The following DOCK7 variants were observed in gnomAD, a reference collection of about 807,000 sequenced individuals.
DOCK7 encodes the protein dedicator of cytokinesis 7, also known as dedicator of cytokinesis protein 7.
Under a neutral mutation model 271.0 loss-of-function variants are expected in DOCK7, and 138 were observed. That is an observed-to-expected ratio of 0.51 (90% CI 0.44 to 0.59). DOCK7 has a LOEUF of 0.59. DOCK7 is among the 20% of genes least tolerant of loss of function. DOCK7 has a pLI of 0.00. For synonymous variants in DOCK7, 823 were observed against 876.1 expected, an observed-to-expected ratio of 0.94 and a Z score of 1.07; for missense variants, 2,066 against 2,592.4, an observed-to-expected ratio of 0.80 and a Z score of 4.41.
At chr1:62,459,207 C>A (rs1220202419) in intron 48 of DOCK7, 1 of 149,022 alleles carries the variant, frequency 6.7e-6, no homozygotes, top group East Asian at 1.9e-4. Flanking sequence ...AAGTTAAATA[C>A]AGCAGAAGTT....
intron 4 of DOCK7, 122 bp from the exon 5 acceptor site, chr1:62,648,666 C>G: frequency 1.9e-6 from 1 of 519,452 alleles, no homozygotes; most frequent in Non-Finnish European, 3.0e-6. Context: ...TAATAAGAAT[C>G]TATTCTAGCA....
chr1:62,668,421 G>A (rs1168131), intron 1 of DOCK7, among the ~76,000 whole-genome samples: 149,178 of 152,346 alleles, frequency 0.98, 73,123 homozygotes, highest in Middle Eastern at 1. Flanking sequence ...CCTGATTTGA[G>A]CAAACCAGCT....
chr1:62,483,174 A>ATTTTTTTTTTTTTTTTTTTTTTTTTT (rs57648164), intron 43 of DOCK7: 3 of 70,172 alleles, frequency 4.3e-5, no homozygotes, highest in Admixed American at 1.8e-4. Flanking sequence ...TGCCCAGCTA[A>ATTTTTTTTTTTTTTTTTTTTTTTTTT]TTTTTTTTTT....
intron 25 of DOCK7, 95 bp downstream of exon 25, chr1:62,542,513 G>A (rs1320427192): frequency 2.4e-6 from 3 of 1,233,728 alleles, no homozygotes; most frequent in African/African-American, 1.5e-5. Context: ...GTTAAGATGT[G>A]CAACAGAAAA....
In DOCK7 at chr1:62,561,684, T is replaced by C; in HGVS notation, c.2132A>G (p.Lys711Arg). 1 of 1,577,574 alleles carries C rather than the reference T, an allele frequency of 6.3e-7. No homozygotes were observed. Among genetic ancestry groups the C allele is most frequent in the African/African-American group, 1.4e-5 (1 of 72,922 alleles). ...LSPEVPLPGM[K>R]WVDNHKGVFN... ...AACACCTTTGTGATTATCTACCCATTTCATGCCAGGTAGAGGAACCTGTAA... is the reference window on the plus strand; with the variant it reads ...AACACCTTTGTGATTATCTACCCATCTCATGCCAGGTAGAGGAACCTGTAA... Residue 711 changes from lysine to arginine, a missense_variant, in exon 19 of 50, where the codon AAA (lysine) becomes AGA (arginine). By Grantham distance (26) the Lys-to-Arg change is conservative. Transcript: ENST00000635253.
chr1:62,642,642 T>C (rs749846424), intron 7 of DOCK7, among the ~76,000 whole-genome samples: 7 of 152,318 alleles, frequency 4.6e-5, no homozygotes, highest in South Asian at 2.1e-4. Context: ...AATTTATACA[T>C]TGTGTTATTG....
rs546283973 is a variant in DOCK7, at chr1:62,615,777, G to A, written c.1682+2929C>T. On this transcript the variant is annotated intron_variant, in intron 14 of 49. Coordinates refer to ENST00000635253, the MANE Select transcript of DOCK7 (RefSeq NM_001367561.1). The stretch of plus-strand genomic sequence containing the variant: ...TATTTTTACTAATAATGTCTGGAAT[G>A]AGTATTAACTCTGTAATTAATAGAA... Among the ~76,000 whole-genome samples, 3 of 151,740 alleles carry A rather than the reference G, an allele frequency of 2.0e-5. No homozygotes were observed. The South Asian group carries it at 6.2e-4, about 32-fold the overall frequency.
chr1:62,579,561 C>G (rs796312091), intron 16 of DOCK7, among the ~76,000 whole-genome samples: 1 of 151,524 alleles, frequency 6.6e-6, no homozygotes, highest in African/African-American at 2.4e-5. Flanking sequence ...CCAGACTCAT[C>G]TCTACAAAAA....
At chr1:62,578,731 A>AC (rs1553175630) in intron 17 of DOCK7, 97 bp downstream of exon 17, 7 of 1,026,752 alleles carry the variant, frequency 6.8e-6, no homozygotes, top group African/African-American at 6.8e-5. Context: ...AAAAAAAAAA[A>AC]AAAAAAAACC....
intron 14 of DOCK7, among the ~76,000 whole-genome samples, chr1:62,606,820 T>C (rs961787752): frequency 6.6e-6 from 1 of 152,104 alleles, no homozygotes; most frequent in Non-Finnish European, 1.5e-5. Context: ...AAAATCTACA[T>C]ATTCATCCCA....
At chr1:62,686,896 T>C (rs1339521339) in intron 1 of DOCK7, among the ~76,000 whole-genome samples, 1 of 149,878 alleles carries the variant, frequency 6.7e-6, no homozygotes, top group East Asian at 1.9e-4. Context: ...AAAAAAAGCC[T>C]CTGCCTCGAA....
intron 17 of DOCK7, among the ~76,000 whole-genome samples, chr1:62,577,954 C>G (rs890254424): frequency 3.3e-5 from 5 of 151,590 alleles, no homozygotes; most frequent in African/African-American, 1.2e-4. Context: ...ACAAGAGTCT[C>G]ACTCCATCGC....
At chr1:62,597,967 T>A in intron 14 of DOCK7, 1 of 1,557,426 alleles carries the variant, frequency 6.4e-7, no homozygotes, top group Non-Finnish European at 8.6e-7. Context: ...AAAATTCTAC[T>A]TCAACAAAAA....
At position 62,552,833 on chromosome 1, in the gene DOCK7, G is replaced by A. The variant is rs1352552376; in HGVS notation, c.2665C>T (p.Leu889Phe). 1.1e-5 allele frequency: 17 copies of A among 1,613,706 alleles called. No individual in the cohort carries two copies. Among genetic ancestry groups the A allele is most frequent in the Non-Finnish European group, 1.4e-5 (17 of 1,179,888 alleles). The change falls in exon 22 of 50, where the codon CTT becomes TTT. Residue 889 changes from leucine (L) to phenylalanine (F), a missense_variant. Leu to Phe is a conservative substitution (Grantham distance 22, BLOSUM62 0). Coordinates refer to ENST00000635253, the MANE Select transcript of DOCK7 (RefSeq NM_001367561.1). ...AGGCTTCGAGAACGATTTAAATTAA[G>A]GCTTGCAGGTCTCACCGCAGATCTA... ...MARSAVRPAS[L>F]NLNRSRSLSN...
chr1:62,538,878 T>A (rs1327102057), intron 27 of DOCK7, among the ~76,000 whole-genome samples: 3 of 152,154 alleles, frequency 2.0e-5, no homozygotes, highest in Non-Finnish European at 4.4e-5. Flanking sequence ...GGGATGGGAC[T>A]CAGAAATATG....
intron 22 of DOCK7, among the ~76,000 whole-genome samples, chr1:62,549,729 CA>C (rs950975369): frequency 8.6e-5 from 13 of 151,980 alleles, no homozygotes; most frequent in Non-Finnish European, 1.8e-4. Flanking sequence ...TTATACAAAT[CA>C]CCCTGTTGTG....
At chr1:62,466,077 A>G (rs1195981047) in intron 48 of DOCK7, among the ~76,000 whole-genome samples, 2 of 152,210 alleles carry the variant, frequency 1.3e-5, no homozygotes, top group Admixed American at 6.5e-5. Flanking sequence ...TAAACAGGAG[A>G]GGCAGTTTCT....
In DOCK7 at chr1:62,629,927, T is replaced by G. The variant is rs552983724; in HGVS notation, c.1282+1313A>C. Among the ~76,000 whole-genome samples the G allele has an allele frequency of 7.2e-5, 11 of 152,284 alleles. 2 individuals carry two copies. The highest frequency in any genetic ancestry group is 2.6e-4 in the African/African-American group (11 of 41,562). ...GCACTGTACATACATTTAAGAAAGA[T>G]TAATAAAAATAAGTAGGATAATTAT... is the stretch of plus-strand genomic sequence containing the variant. On this transcript the variant is annotated intron_variant, in intron 11 of 49. Transcript: ENST00000635253.
intron 48 of DOCK7, among the ~76,000 whole-genome samples, chr1:62,472,091 T>A (rs1412320941): frequency 6.6e-6 from 1 of 152,018 alleles, no homozygotes; most frequent in Non-Finnish European, 1.5e-5. Flanking sequence ...GTTGCTGTTA[T>A]TTCGTTTTTT....
Sources: gnomAD v4.1 joint callset for allele counts (sites outside exome capture counted in the v4.1 genomes callset) on GRCh38, gnomAD v4.1.1 for gene constraint, MANE v1.5 for transcripts, NCBI Gene and HGNC (gene_info 2026-07-23, HGNC 2026-07-21) for gene names.